The following SOHLH2 variants were observed in gnomAD, a reference collection of about 807,000 sequenced individuals.
SOHLH2 encodes the protein spermatogenesis and oogenesis specific basic helix-loop-helix 2.
In SOHLH2, 22 loss-of-function variants were observed where a neutral mutation model predicts 50.4. The observed-to-expected ratio is 0.44, with a 90% CI of 0.31 to 0.62. The LOEUF is 0.62. Ranked by LOEUF, SOHLH2 falls within the 20% of genes least tolerant of loss-of-function variation. The pLI is 0.08. For missense variants in SOHLH2, 412 were observed against 504.4 expected (o/e 0.82, Z 1.76); for synonymous variants, 185 against 187.3 (o/e 0.99, Z 0.10).
intron 6 of SOHLH2, chr13:36,181,872 A>T (rs941892876): frequency 2.6e-6 from 1 of 382,810 alleles, no homozygotes; most frequent in African/African-American, 2.2e-5. Flanking sequence ...ACTGGTGTCA[A>T]AATATCTAAG....
rs145436916 is a variant in SOHLH2 at position 36,206,078 on chromosome 13, C to A, written c.49-3985G>T. ...TTATTTTTTTCTTTTTCTGGTAATG[C>A]TTTATTGAGAATATAGAACTGTGTA... On this transcript the variant is annotated intron_variant, in intron 1 of 10. Coordinates refer to ENST00000379881, the MANE Select transcript of SOHLH2 (RefSeq NM_017826.3). 3.8e-3 allele frequency among the ~76,000 whole-genome samples: 579 copies of A among 151,750 alleles called. 5 individuals are homozygous for A. The highest frequency in any genetic ancestry group is 0.013 in the African/African-American group (533 of 41,410).
intron 6 of SOHLH2, among the ~76,000 whole-genome samples, chr13:36,184,349 A>C (rs1887342175): frequency 6.6e-6 from 1 of 152,126 alleles, no homozygotes; most frequent in Admixed American, 6.5e-5. Context: ...ATGCAGCTGA[A>C]GCAATGCTTA....
At chr13:36,198,797 T>A (rs1454952462) in intron 2 of SOHLH2, among the ~76,000 whole-genome samples, 1 of 152,248 alleles carries the variant, frequency 6.6e-6, no homozygotes, top group East Asian at 1.9e-4. Context: ...TAAAAATCTA[T>A]ATGTCTTACA....
intron 9 of SOHLH2, 127 bp from the exon 10 acceptor site, chr13:36,170,914 C>A (rs1430547460): frequency 4.2e-6 from 6 of 1,411,782 alleles, no homozygotes; most frequent in Non-Finnish European, 1.9e-6. Context: ...ACCTGCTACA[C>A]CCGAATGCTG....
At chr13:36,209,908 G>A (rs1013300975) in intron 1 of SOHLH2, among the ~76,000 whole-genome samples, 1 of 152,200 alleles carries the variant, frequency 6.6e-6, no homozygotes, top group Non-Finnish European at 1.5e-5. Context: ...GGTTTGGTGA[G>A]AGTGAGCAGG....
In SOHLH2 at chr13:36,198,333, A is replaced by G. The variant is rs562113428; in HGVS notation, c.263+3546T>C. ...AACTTTCTGTACCTGTCTTTGGAAG[A>G]TAAGTATCAGGATGTGTCTGAATTA... On this transcript the variant is annotated intron_variant, in intron 2 of 10. Transcript: ENST00000379881. 9.8e-5 allele frequency among the ~76,000 whole-genome samples: 15 copies of G among 152,350 alleles called. No homozygotes were observed. The South Asian group carries it at 3.1e-3, about 32-fold the overall frequency.
intron 2 of SOHLH2, among the ~76,000 whole-genome samples, chr13:36,200,519 G>A (rs1413303172): frequency 6.6e-6 from 1 of 152,086 alleles, no homozygotes. Flanking sequence ...TGTTTATTCA[G>A]GGATCAAAAT....
chr13:36,173,586 G>C, intron 9 of SOHLH2, 106 bp downstream of exon 9: 1 of 1,337,898 alleles, frequency 7.5e-7, no homozygotes, highest in Non-Finnish European at 1.1e-6. Flanking sequence ...GGACTCATCA[G>C]CTCTCCTGGA....
chr13:36,196,129 T>TC (rs1887722072), intron 2 of SOHLH2, among the ~76,000 whole-genome samples: 1 of 136,100 alleles, frequency 7.3e-6, no homozygotes, highest in East Asian at 2.2e-4. Flanking sequence ...GATAGATAAT[T>TC]TTTTTTTTTT....
chr13:36,168,704 T>G lies in SOHLH2; in HGVS notation c.*330A>C, dbSNP rs1314937967. The G allele has an allele frequency of 1.2e-5, 4 of 346,204 alleles. No homozygotes were observed. The highest frequency in any genetic ancestry group is 1.0e-5 in the Non-Finnish European group (2 of 192,720). 21.4% of individuals were successfully genotyped at this position (346,204 alleles called of 1,614,324 possible). On this transcript the variant is annotated 3_prime_UTR_variant, in exon 11 of 11. Transcript: ENST00000379881. ...TCATTTTATCGTGTCTACATGGATC[T>G]TCCTTATAGCATGCTTTTTTCATAA...
At chr13:36,209,199 T>A (rs1035839387) in intron 1 of SOHLH2, among the ~76,000 whole-genome samples, 3 of 152,120 alleles carry the variant, frequency 2.0e-5, no homozygotes, top group Non-Finnish European at 4.4e-5. Flanking sequence ...CTTCTAAGTA[T>A]TTTTTTATAT....
chr13:36,190,454 C>G (rs746327886), intron 5 of SOHLH2, among the ~76,000 whole-genome samples: 2 of 152,110 alleles, frequency 1.3e-5, no homozygotes, highest in Non-Finnish European at 2.9e-5. Flanking sequence ...CTAGGCCAAC[C>G]CAACCAGCAA....
In SOHLH2 at chr13:36,190,036, C is replaced by T. The variant is rs746718285; in HGVS notation, c.551G>A (p.Gly184Asp). The T allele has an allele frequency of 4.4e-5, 71 of 1,605,590 alleles. No individual in the cohort carries two copies. The highest frequency in any genetic ancestry group is 5.5e-5 in the Non-Finnish European group (65 of 1,175,162). ...CGAAGCATTTAATTCAAGCCCATTG[C>T]CATTCCTTAAAGATTCAGAGCTAGA... is the stretch of plus-strand genomic sequence containing the variant. ...LFACSESLRN[G>D]NGLELNASLS... The change falls in exon 6 of 11, where the codon GGC becomes GAC. Residue 184 changes from glycine to aspartate, a missense_variant. Coordinates refer to ENST00000379881, the MANE Select transcript of SOHLH2 (RefSeq NM_017826.3).
At chr13:36,183,222 C>T (rs1301001767) in intron 6 of SOHLH2, 1 of 326,164 alleles carries the variant, frequency 3.1e-6, no homozygotes. Flanking sequence ...GTCAATTAAA[C>T]CTCTTTTCTT....
At chr13:36,176,793 T>C (rs1339232914) in intron 6 of SOHLH2, among the ~76,000 whole-genome samples, 2 of 152,254 alleles carry the variant, frequency 1.3e-5, no homozygotes, top group Non-Finnish European at 2.9e-5. Flanking sequence ...TATATATGTG[T>C]CATCCCACTA....
At chr13:36,170,862 A>G in intron 9 of SOHLH2, 75 bp from the exon 10 acceptor site, 8 of 1,548,300 alleles carry the variant, frequency 5.2e-6, no homozygotes, top group Non-Finnish European at 7.0e-6. Flanking sequence ...ATTCGACATA[A>G]ACTGCCCGCT....
Position 36,168,910 on chromosome 13 carries a change from T to C in SOHLH2, c.*124A>G, listed in dbSNP as rs1886889507. On this transcript the variant is annotated 3_prime_UTR_variant, in exon 11 of 11. Transcript: ENST00000379881. ...AGTGCATTTATCAGAAGCCAAACCA[T>C]GCCAACTCTTTTGATATTAGGTCTT... 3.4e-6 allele frequency: 5 copies of C among 1,455,686 alleles called. No homozygotes were observed. The Admixed American group carries it at 1.0e-4, about 30-fold the overall frequency. The allele number at this position is 1,455,686 out of a possible 1,614,324, so 90.2% of individuals were successfully genotyped here.
intron 6 of SOHLH2, among the ~76,000 whole-genome samples, chr13:36,177,829 CTGTT>C (rs2138273873): frequency 6.6e-6 from 1 of 152,044 alleles, no homozygotes; most frequent in African/African-American, 2.4e-5. Flanking sequence ...TGTCAGATAT[CTGTT>C]TGGCAAATAT....
At chr13:36,169,083 A>C in intron 10 of SOHLH2, 29 bp from the exon 11 acceptor site, 1 of 1,601,748 alleles carries the variant, frequency 6.2e-7, no homozygotes, top group Non-Finnish European at 8.5e-7. Flanking sequence ...AACCCACATT[A>C]ATTGAATCCT....
Sources: gnomAD v4.1 joint callset for allele counts (sites outside exome capture counted in the v4.1 genomes callset) on GRCh38, gnomAD v4.1.1 for gene constraint, MANE v1.5 for transcripts, NCBI Gene and HGNC (gene_info 2026-07-23, HGNC 2026-07-21) for gene names.